EIF2S3: variants seen among roughly 807,000 people sequenced by gnomAD.
EIF2S3 encodes the protein eukaryotic translation initiation factor 2 subunit 3.
EIF2S3 carries 2 observed loss-of-function variants against 31.7 expected under a neutral mutation model. That is an observed-to-expected ratio of 0.06 (90% CI 0.03 to 0.20). The LOEUF (loss-of-function observed/expected upper bound fraction) is 0.20, where lower values mean the gene tolerates loss of function less well. Ranked by LOEUF, EIF2S3 falls within the 10% of genes least tolerant of loss-of-function variation. The pLI is 1.00. For missense variants in EIF2S3, 96 were observed against 359.3 expected, an observed-to-expected ratio of 0.27 and a Z score of 5.92; for synonymous variants, 120 against 126.7, an observed-to-expected ratio of 0.95 and a Z score of 0.36.
rs946232829 is a variant in EIF2S3 at position 24,058,706 on chromosome X, TTTTA to T, written c.383+972_383+975del. On this transcript the variant is annotated intron_variant, in intron 4 of 11. Coordinates refer to ENST00000253039, the MANE Select transcript of EIF2S3 (RefSeq NM_001415.4). ...GCCCCCATGCCCAGCTAGTTTTTATTTTTATTTATTTATTTATTTATTTTTGAGA... is the reference window on the plus strand; with the variant it reads ...GCCCCCATGCCCAGCTAGTTTTTATTTTTATTTATTTATTTATTTTTGAGA... Among the ~76,000 whole-genome samples, 9 of 106,938 alleles carry T rather than the reference TTTTA, an allele frequency of 8.4e-5. No individual in the cohort carries two copies. The Admixed American group carries it at 9.1e-4, about 11-fold the overall frequency. The allele number at this position is 106,938 out of a possible 115,157, so 92.9% of individuals were successfully genotyped here.
At chrX:24,060,017 T>A in intron 4 of EIF2S3, 71 bp from the exon 5 acceptor site, 1 of 838,287 alleles carries the variant, frequency 1.2e-6, no homozygotes, top group Non-Finnish European at 1.7e-6. Flanking sequence ...GATTTAACTT[T>A]AAAAAATCTA....
chrX:24,062,743 G>C (rs948716122), intron 6 of EIF2S3, 169 bp downstream of exon 6: 2 of 426,581 alleles, frequency 4.7e-6, no homozygotes, highest in African/African-American at 5.2e-5. Context: ...TATAACTAAT[G>C]AAACCTGTGA....
At chrX:24,069,655 A>T (rs1203126792) in intron 9 of EIF2S3, among the ~76,000 whole-genome samples, 1 of 106,026 alleles carries the variant, frequency 9.4e-6, no homozygotes, top group Non-Finnish European at 1.9e-5. Flanking sequence ...GAAACTTTTT[A>T]AAAATTTAAC....
intron 8 of EIF2S3, among the ~76,000 whole-genome samples, chrX:24,066,493 ATATATATATGC>A (rs1930575655): frequency 9.4e-6 from 1 of 105,963 alleles, no homozygotes; most frequent in South Asian, 3.9e-4. Flanking sequence ...TTCATTGCAT[ATATATATATGC>A]TGCCATTGCT....
At position 24,073,363 on chromosome X, in the gene EIF2S3, G is replaced by A. The variant is rs1012110274; in HGVS notation, c.1355+100G>A. On this transcript the variant is annotated intron_variant, in intron 11 of 11. Transcript: ENST00000253039. ...TTCCTTGAGGACAACAGTTACTGTG[G>A]CTTTCAGTCTCAACTATTTATTTGG... The A allele has an allele frequency of 1.2e-4, 127 of 1,019,637 alleles. No homozygotes were observed. The African/African-American group carries it at 2.4e-3, about 19-fold the overall frequency. 84.0% of individuals were successfully genotyped at this position (1,019,637 alleles called of 1,213,427 possible).
At chrX:24,066,777 G>A (rs750654670) in intron 8 of EIF2S3, among the ~76,000 whole-genome samples, 58 of 112,010 alleles carry the variant, frequency 5.2e-4, no homozygotes, top group Non-Finnish European at 9.4e-4. Flanking sequence ...GCCTCCCAAA[G>A]TGTTGGGATT....
At chrX:24,074,331 C>T (rs1203898229) in intron 11 of EIF2S3, among the ~76,000 whole-genome samples, 2 of 112,024 alleles carry the variant, frequency 1.8e-5, no homozygotes, top group African/African-American at 3.2e-5. Flanking sequence ...TTAAATACAC[C>T]GTGAAGTCTC....
rs751449857 is a variant in EIF2S3 at position 24,055,753 on chromosome X, A to G, written c.133+75A>G. Reference sequence around the variant, plus strand: ...ACCTCACTTTTTGTGTGATTACTTGAATAGTATGAGGATTCAGATATTCAA... The same window carrying G: ...ACCTCACTTTTTGTGTGATTACTTGGATAGTATGAGGATTCAGATATTCAA... On this transcript the variant is annotated intron_variant, in intron 2 of 11. Coordinates refer to ENST00000253039, the MANE Select transcript of EIF2S3 (RefSeq NM_001415.4). 1.3e-4 allele frequency: 128 copies of G among 972,174 alleles called. No homozygotes were observed. In the African/African-American group the frequency reaches 2.0e-3, roughly 15 times the overall value. 80.1% of individuals were successfully genotyped at this position (972,174 alleles called of 1,213,427 possible). A position where few individuals can be genotyped will look rare whatever the true frequency, so the allele number is the denominator to read the frequency against.
At chrX:24,066,125 T>C in intron 8 of EIF2S3, 33 bp downstream of exon 8, 1 of 664,556 alleles carries the variant, frequency 1.5e-6, no homozygotes, top group South Asian at 5.0e-5. Flanking sequence ...TGATTTTGGG[T>C]TTTTTTTTTT....
At chrX:24,070,595 C>T (rs1384757769) in intron 9 of EIF2S3, among the ~76,000 whole-genome samples, 1 of 108,258 alleles carries the variant, frequency 9.2e-6, no homozygotes, top group African/African-American at 3.4e-5. Context: ...TGTCTGCCAC[C>T]ATGCCCAGCT....
At chrX:24,060,247 G>A in intron 5 of EIF2S3, 65 bp downstream of exon 5, 1 of 945,010 alleles carries the variant, frequency 1.1e-6, no homozygotes, top group African/African-American at 1.9e-5. Flanking sequence ...AATATTTAAA[G>A]GGGAACTAAG....
intron 9 of EIF2S3, among the ~76,000 whole-genome samples, chrX:24,070,646 A>G: frequency 9.1e-6 from 1 of 109,397 alleles, no homozygotes; most frequent in East Asian, 2.9e-4. Context: ...CATGTTGGCT[A>G]GACTTGTCTT....
chrX:24,076,926 C>CT lies in EIF2S3; in HGVS notation c.*162dup, dbSNP rs879230822. 845 of 178,181 alleles carry CT rather than the reference C, an allele frequency of 4.7e-3. No individual in the cohort carries two copies. The highest frequency in any genetic ancestry group is 0.014 in the Middle Eastern group (8 of 584). The allele number at this position is 178,181 out of a possible 1,213,427, so 14.7% of individuals were successfully genotyped here. On this transcript the variant is annotated 3_prime_UTR_variant, in exon 12 of 12. Coordinates refer to ENST00000253039, the MANE Select transcript of EIF2S3 (RefSeq NM_001415.4). ...TAGTAGGTAACGGTAAGGTTATTCT[C>CT]TTTTTTTTTTTTTTTTTTTTTGGTT...
At chrX:24,063,934 T>C (rs1930532316) in intron 6 of EIF2S3, among the ~76,000 whole-genome samples, 1 of 111,958 alleles carries the variant, frequency 8.9e-6, no homozygotes, top group African/African-American at 3.2e-5. Context: ...TTAAATAAGT[T>C]TATCATTGTA....
chrX:24,055,331 C>A lies in EIF2S3; in HGVS notation c.70-284C>A, dbSNP rs192014900. Among the ~76,000 whole-genome samples the A allele has an allele frequency of 1.8e-4, 20 of 111,568 alleles. No individual in the cohort carries two copies. In the East Asian group the frequency reaches 5.7e-3, roughly 32 times the overall value. On this transcript the variant is annotated intron_variant, in intron 1 of 11. Transcript: ENST00000253039. Reference sequence around the variant, plus strand: ...CTCTGAACGTCTGGGAAGGGGGTGTCCTGTCTGCATTACTTTTAGTGCTAA... The same window carrying A: ...CTCTGAACGTCTGGGAAGGGGGTGTACTGTCTGCATTACTTTTAGTGCTAA...
chrX:24,056,611 C>T (rs769990378), intron 2 of EIF2S3, among the ~76,000 whole-genome samples: 9 of 111,689 alleles, frequency 8.1e-5, no homozygotes, highest in African/African-American at 2.9e-4. Context: ...GTAATCCCAG[C>T]CCTTTGGGAG....
At chrX:24,067,517 A>C (rs745489717) in intron 8 of EIF2S3, among the ~76,000 whole-genome samples, 1 of 98,982 alleles carries the variant, frequency 1.0e-5, no homozygotes, top group African/African-American at 3.6e-5. Context: ...TTTTTTAAGA[A>C]TAATGATCTT....
At chrX:24,055,186 C>A in intron 1 of EIF2S3, 149 bp downstream of exon 1, 1 of 605,837 alleles carries the variant, frequency 1.7e-6, no homozygotes, top group Non-Finnish European at 2.5e-6. Flanking sequence ...CTAAGCCATG[C>A]TCGCGCCGCC....
intron 6 of EIF2S3, 186 bp downstream of exon 6, chrX:24,062,760 A>G (rs1357766662): frequency 2.5e-5 from 10 of 393,048 alleles, no homozygotes; most frequent in Non-Finnish European, 4.1e-5. Context: ...GTGATTCTGA[A>G]TTTAATATAC....
Sources: gnomAD v4.1 joint callset for allele counts (sites outside exome capture counted in the v4.1 genomes callset) on GRCh38, gnomAD v4.1.1 for gene constraint, MANE v1.5 for transcripts, NCBI Gene and HGNC (gene_info 2026-07-23, HGNC 2026-07-21) for gene names.